The following GYS2 variants were observed in gnomAD, a reference collection of about 807,000 sequenced individuals.
GYS2 encodes the protein glycogen [starch] synthase, liver.
A neutral mutation model predicts 85.6 loss-of-function variants in GYS2; 80 were observed. The observed-to-expected ratio is 0.93, with a 90% CI of 0.78 to 1.13. The LOEUF (loss-of-function observed/expected upper bound fraction) is 1.13, where lower values mean the gene tolerates loss of function less well. Among genes scored for constraint, GYS2 ranks in the 50% most tolerant of loss-of-function variants. GYS2 has a pLI of 0.00. For missense variants in GYS2, 881 were observed against 854.9 expected, an observed-to-expected ratio of 1.03 and a Z score of -0.38; for synonymous variants, 328 against 300.7, an observed-to-expected ratio of 1.09 and a Z score of -0.94.
chr12:21,582,980 T>C (rs1193994734), intron 1 of GYS2, among the ~76,000 whole-genome samples: 1 of 151,996 alleles, frequency 6.6e-6, no homozygotes, highest in Non-Finnish European at 1.5e-5. Context: ...TGAAGTTGGT[T>C]GGTTGCTTGT....
At chr12:21,549,781 G>A (rs537874555) in intron 11 of GYS2, among the ~76,000 whole-genome samples, 4 of 152,134 alleles carry the variant, frequency 2.6e-5, no homozygotes, top group South Asian at 2.1e-4. Flanking sequence ...AGGTGGTAAA[G>A]GTTTTCTATT....
chr12:21,550,314 A>AACAC (rs10582787), intron 11 of GYS2, among the ~76,000 whole-genome samples: 2,081 of 148,304 alleles, frequency 0.014, 19 homozygotes, highest in African/African-American at 0.03. Context: ...AGACAGAAAG[A>AACAC]ACACACACAC....
At chr12:21,557,942 T>C (rs1189633494) in intron 11 of GYS2, among the ~76,000 whole-genome samples, 1 of 152,214 alleles carries the variant, frequency 6.6e-6, no homozygotes, top group Non-Finnish European at 1.5e-5. Context: ...AATTTCCTTA[T>C]GCTTATTAGC....
chr12:21,589,086 T>C lies in GYS2; in HGVS notation c.122-8563A>G, dbSNP rs541591085. ...GATGGTACACATTTATTAGATGTTT[T>C]ATTTACATTTTTTATCCTTGAAAAC... is the stretch of plus-strand genomic sequence containing the variant. On this transcript the variant is annotated intron_variant, in intron 1 of 15. Coordinates refer to ENST00000261195, the MANE Select transcript of GYS2 (RefSeq NM_021957.4). Among the ~76,000 whole-genome samples, 5 of 152,350 alleles carry C rather than the reference T, an allele frequency of 3.3e-5. No individual in the cohort carries two copies. The South Asian group carries it at 1.0e-3, about 32-fold the overall frequency.
intron 5 of GYS2, among the ~76,000 whole-genome samples, chr12:21,568,363 T>C (rs986289643): frequency 3.3e-5 from 5 of 152,190 alleles, no homozygotes; most frequent in Admixed American, 2.6e-4. Context: ...CCATGTCTTA[T>C]GAGCATGAGT....
intron 4 of GYS2, among the ~76,000 whole-genome samples, chr12:21,573,008 C>G (rs972939532): frequency 3.3e-5 from 5 of 152,152 alleles, no homozygotes; most frequent in African/African-American, 1.2e-4. Context: ...CCTCCCAGAT[C>G]CCCAGGCTTT....
chr12:21,539,165 G>C, intron 15 of GYS2, 93 bp downstream of exon 15: 1 of 763,342 alleles, frequency 1.3e-6, no homozygotes. Flanking sequence ...AAGTATCATA[G>C]CTTGTGTGCA....
chr12:21,571,548 C>G (rs1414445167), intron 4 of GYS2, among the ~76,000 whole-genome samples: 1 of 152,126 alleles, frequency 6.6e-6, no homozygotes, highest in Non-Finnish European at 1.5e-5. Context: ...TTGACTAGCT[C>G]AAAGCTTGAT....
chr12:21,537,928 G>A lies in GYS2; in HGVS notation c.1891-753C>T, dbSNP rs185975154. On this transcript the variant is annotated intron_variant, in intron 15 of 15. Transcript: ENST00000261195. ...AAAGTGTTATAGCGCTCGTCACTCT[G>A]TATTTCAATTACTTTATACATTATA... Among the ~76,000 whole-genome samples, 19 of 152,240 alleles carry A rather than the reference G, an allele frequency of 1.2e-4. No homozygotes were observed. In the East Asian group the frequency reaches 3.7e-3, roughly 29 times the overall value.
intron 5 of GYS2, among the ~76,000 whole-genome samples, chr12:21,568,345 T>A (rs1591795708): frequency 6.6e-6 from 1 of 152,132 alleles, no homozygotes; most frequent in Non-Finnish European, 1.5e-5. Context: ...CGTGGCCGGG[T>A]GACAGGGCCA....
In GYS2 at chr12:21,580,498, C is replaced by T; in HGVS notation, c.147G>A (p.Gln49=). 1.9e-6 allele frequency: 3 copies of T among 1,613,358 alleles called. No individual in the cohort carries two copies. Among genetic ancestry groups the T allele is most frequent in the Non-Finnish European group, 2.5e-6 (3 of 1,179,570 alleles). The change falls in exon 2 of 16, where the codon CAG becomes CAA. Residue 49 remains glutamine, a synonymous_variant. Coordinates refer to ENST00000261195, the MANE Select transcript of GYS2 (RefSeq NM_021957.4). Reference sequence around the variant, plus strand: ...CATCTGCTGTTGTTTTGGCCTTTGTCTGAATCACAGTATAGATGCCTCCAA... The same window carrying T: ...CATCTGCTGTTGTTTTGGCCTTTGTTTGAATCACAGTATAGATGCCTCCAA... The part of the protein sequence containing the change: ...NKVGGIYTVI[Q]TKAKTTADEW...
intron 11 of GYS2, among the ~76,000 whole-genome samples, chr12:21,555,471 A>G (rs757525982): frequency 3.3e-5 from 5 of 152,168 alleles, no homozygotes; most frequent in African/African-American, 7.2e-5. Flanking sequence ...CTTATAATGA[A>G]AGGGGCCCCA....
chr12:21,542,632 G>A (rs368961972), intron 12 of GYS2, 41 bp from the exon 13 acceptor site: 26 of 1,345,838 alleles, frequency 1.9e-5, no homozygotes, highest in Middle Eastern at 1.8e-4. Context: ...TCAGACCAGC[G>A]CCTATATCCT....
intron 11 of GYS2, 124 bp from the exon 12 acceptor site, chr12:21,546,594 A>G (rs888979143): frequency 1.4e-5 from 9 of 636,994 alleles, no homozygotes; most frequent in Non-Finnish European, 2.4e-5. Flanking sequence ...TCAGAAAGAA[A>G]AAAAGAGATA....
intron 4 of GYS2, among the ~76,000 whole-genome samples, chr12:21,571,995 G>C (rs1349628631): frequency 1.4e-5 from 2 of 138,550 alleles, no homozygotes; most frequent in Non-Finnish European, 3.1e-5. Context: ...TAAAATGGGA[G>C]GGGGGGTGGG....
chr12:21,575,140 G>A (rs1181951479), intron 3 of GYS2, among the ~76,000 whole-genome samples: 1 of 151,904 alleles, frequency 6.6e-6, no homozygotes, highest in East Asian at 1.9e-4. Flanking sequence ...TTTTCTTGAA[G>A]CCAACAAAAT....
chr12:21,593,843 C>T lies in GYS2; in HGVS notation c.121+10629G>A, dbSNP rs188081212. On this transcript the variant is annotated intron_variant, in intron 1 of 15. Transcript: ENST00000261195. ...CTGCAGGTCAATATCCCTGATGGAA[C>T]ATAGGTGTGAAAATCCTCAACAAAA... is the stretch of plus-strand genomic sequence containing the variant. Among the ~76,000 whole-genome samples the T allele has an allele frequency of 8.1e-4, 123 of 152,160 alleles. No individual in the cohort carries two copies. In the Middle Eastern group the frequency reaches 0.01, roughly 13 times the overall value.
Position 21,604,541 on chromosome 12 carries a change from A to G in GYS2, c.52T>C (p.Trp18Arg). ...TCCACAGGAAGTTCTTCGACTTCCC[A>G]CTGGGGAAGCCCACCCAGGGATGTT... is the stretch of plus-strand genomic sequence containing the variant. ...SVTSLGGLPQ[W>R]EVEELPVEEL... is the part of the protein sequence containing the mutation. The change falls in exon 1 of 16, where the codon TGG (tryptophan) becomes CGG (arginine). Residue 18 changes from tryptophan to arginine, a missense_variant. Trp to Arg is a moderately radical substitution (Grantham distance 101, BLOSUM62 -3). Coordinates refer to ENST00000261195, the MANE Select transcript of GYS2 (RefSeq NM_021957.4). 2 of 1,612,330 alleles carry G rather than the reference A, an allele frequency of 1.2e-6. No homozygotes were observed. The highest frequency in any genetic ancestry group is 1.7e-6 in the Non-Finnish European group (2 of 1,178,556).
chr12:21,569,121 A>C, intron 4 of GYS2, 112 bp from the exon 5 acceptor site: 2 of 1,027,492 alleles, frequency 1.9e-6, no homozygotes, highest in Non-Finnish European at 3.0e-6. Context: ...GTAAAAATTT[A>C]TGACCACAAA....
Sources: allele counts gnomAD v4.1 joint callset (sites outside exome capture counted in the v4.1 genomes callset), GRCh38; gene constraint gnomAD v4.1.1; transcripts MANE v1.5; gene names NCBI Gene and HGNC (gene_info 2026-07-23, HGNC 2026-07-21).